Variants in GRM8 observed in about 807,000 individuals in gnomAD.
GRM8 encodes the protein glutamate metabotropic receptor 8, also known as metabotropic glutamate receptor 8.
In GRM8, 47 loss-of-function variants were observed where a neutral mutation model predicts 87.2. That is an observed-to-expected ratio of 0.54 (90% CI 0.43 to 0.69). GRM8 has a LOEUF of 0.69. Ranked by LOEUF, GRM8 falls within the 30% of genes least tolerant of loss-of-function variation. The probability of loss-of-function intolerance (pLI) is 0.00; values close to 1 mark genes in which losing one functional copy is unlikely to be tolerated. For missense variants in GRM8, 1,019 were observed against 1,139.2 expected (o/e 0.89, Z 1.52); for synonymous variants, 396 against 404.5 (o/e 0.98, Z 0.25).
At chr7:127,054,590 C>T (rs751376161) in intron 3 of GRM8, among the ~76,000 whole-genome samples, 4 of 152,036 alleles carry the variant, frequency 2.6e-5, no homozygotes, top group African/African-American at 7.2e-5. Context: ...TGGATGTTAG[C>T]GCAACTAGTA....
intron 7 of GRM8, among the ~76,000 whole-genome samples, chr7:126,688,247 CA>C (rs1307126077): frequency 3.3e-5 from 5 of 151,798 alleles, no homozygotes; most frequent in Admixed American, 6.6e-5. Context: ...GATGAGAATT[CA>C]AAAAAATGTC....
chr7:126,954,886 G>A (rs2131630521), intron 3 of GRM8, among the ~76,000 whole-genome samples: 1 of 152,280 alleles, frequency 6.6e-6, no homozygotes, highest in South Asian at 2.1e-4. Flanking sequence ...CGGAAAGACA[G>A]TATCTTTGCT....
intron 7 of GRM8, among the ~76,000 whole-genome samples, chr7:126,728,181 A>T (rs1813216920): frequency 6.6e-6 from 1 of 152,114 alleles, no homozygotes; most frequent in South Asian, 2.1e-4. Flanking sequence ...TGCTCTCTTC[A>T]CAGATCCAGT....
chr7:127,171,920 G>A (rs1296772103), intron 2 of GRM8, among the ~76,000 whole-genome samples: 1 of 152,062 alleles, frequency 6.6e-6, no homozygotes, highest in African/African-American at 2.4e-5. Flanking sequence ...GCAAGTTTGT[G>A]AAGGTTTGGG....
At chr7:127,192,848 GCA>G (rs1408882497) in intron 2 of GRM8, among the ~76,000 whole-genome samples, 4 of 152,180 alleles carry the variant, frequency 2.6e-5, no homozygotes, top group African/African-American at 9.7e-5. Context: ...CTTTCTGTAT[GCA>G]CACTCTGACC....
intron 7 of GRM8, among the ~76,000 whole-genome samples, chr7:126,716,641 C>T (rs1309730115): frequency 6.6e-6 from 1 of 152,188 alleles, no homozygotes; most frequent in Admixed American, 6.5e-5. Flanking sequence ...AACTTCTACT[C>T]TGTTGTGTAT....
chr7:126,557,142 C>G (rs982908818), intron 8 of GRM8, among the ~76,000 whole-genome samples: 1 of 152,168 alleles, frequency 6.6e-6, no homozygotes, highest in African/African-American at 2.4e-5. Context: ...TGTCTCCCAA[C>G]AGACACTGGC....
intron 1 of GRM8, among the ~76,000 whole-genome samples, chr7:127,251,913 C>A (rs1263537977): frequency 6.6e-6 from 1 of 152,224 alleles, no homozygotes; most frequent in East Asian, 1.9e-4. Flanking sequence ...GCCGTGCTAA[C>A]TCGGAGAACG....
intron 3 of GRM8, among the ~76,000 whole-genome samples, chr7:126,975,893 A>G (rs1249521683): frequency 1.3e-5 from 2 of 152,176 alleles, no homozygotes; most frequent in African/African-American, 4.8e-5. Context: ...ACTCCTGCCT[A>G]CCTCATGACC....
intron 7 of GRM8, among the ~76,000 whole-genome samples, chr7:126,672,108 G>A (rs1227407743): frequency 1.3e-5 from 2 of 152,168 alleles, no homozygotes; most frequent in Non-Finnish European, 2.9e-5. Flanking sequence ...ATGAATAAAG[G>A]CCATGTTAAT....
In GRM8 at chr7:126,523,497, A is replaced by AT. The variant is rs1562916908; in HGVS notation, c.2430+9454_2430+9455insA. ...TATTGTCCCTTTTCACAGACCTCTC[A>AT]ATTTTTTTTTTTTTTTTGAAACAGA... is the stretch of plus-strand genomic sequence containing the variant. On this transcript the variant is annotated intron_variant, in intron 9 of 10. Coordinates refer to ENST00000339582, the MANE Select transcript of GRM8 (RefSeq NM_000845.3). 2.0e-3 allele frequency among the ~76,000 whole-genome samples: 294 copies of AT among 149,428 alleles called. 1 individual carries two copies. Among genetic ancestry groups the AT allele is most frequent in the African/African-American group, 5.9e-3 (237 of 40,382 alleles).
At chr7:127,182,896 G>T (rs192870516) in intron 2 of GRM8, among the ~76,000 whole-genome samples, 2 of 151,718 alleles carry the variant, frequency 1.3e-5, no homozygotes, top group African/African-American at 2.4e-5. Context: ...GGACTTGGGG[G>T]GAAGAGTGGG....
At position 126,471,360 on chromosome 7, in the gene GRM8, T is replaced by C. The variant is rs1454140391; in HGVS notation, c.2431-24988A>G. Among the ~76,000 whole-genome samples the C allele has an allele frequency of 5.9e-5, 9 of 152,176 alleles. No homozygotes were observed. The East Asian group carries it at 1.7e-3, about 29-fold the overall frequency. ...AAGTCTTTAATCCATCTTGAATTAA[T>C]TTGTGTATAAGGTGTAAGGAAGGGA... is the stretch of plus-strand genomic sequence containing the variant. On this transcript the variant is annotated intron_variant, in intron 9 of 10. Transcript: ENST00000339582.
chr7:126,783,703 G>A (rs1243552300), intron 6 of GRM8, among the ~76,000 whole-genome samples: 2 of 152,136 alleles, frequency 1.3e-5, no homozygotes, highest in Non-Finnish European at 2.9e-5. Flanking sequence ...AGTTGGTATG[G>A]GGTGTCTGCT....
intron 7 of GRM8, among the ~76,000 whole-genome samples, chr7:126,656,454 G>A (rs141398302): frequency 1.4e-4 from 21 of 152,178 alleles, no homozygotes; most frequent in South Asian, 6.2e-4. Flanking sequence ...CAAGGCGGGC[G>A]GATCGCAAGG....
chr7:126,910,070 C>T (rs1563308043), intron 3 of GRM8, among the ~76,000 whole-genome samples: 1 of 151,834 alleles, frequency 6.6e-6, no homozygotes, highest in Non-Finnish European at 1.5e-5. Flanking sequence ...AAATACAGTC[C>T]TTCTGTTATC....
chr7:126,790,467 T>C (rs887974952), intron 6 of GRM8, among the ~76,000 whole-genome samples: 1 of 152,218 alleles, frequency 6.6e-6, no homozygotes, highest in Non-Finnish European at 1.5e-5. Flanking sequence ...AAAGATGCAA[T>C]AGATAATACA....
At chr7:126,965,193 G>A (rs1423611355) in intron 3 of GRM8, among the ~76,000 whole-genome samples, 3 of 152,026 alleles carry the variant, frequency 2.0e-5, no homozygotes, top group Admixed American at 2.0e-4. Flanking sequence ...ATAGCATTAG[G>A]AGAAATACCT....
chr7:126,946,525 G>T (rs1807556766), intron 3 of GRM8, among the ~76,000 whole-genome samples: 1 of 152,142 alleles, frequency 6.6e-6, no homozygotes. Context: ...GAAAAGGAAA[G>T]AAAAAGTCAA....
Sources: allele counts gnomAD v4.1 joint callset (sites outside exome capture counted in the v4.1 genomes callset), GRCh38; gene constraint gnomAD v4.1.1; transcripts MANE v1.5; gene names NCBI Gene and HGNC (gene_info 2026-07-23, HGNC 2026-07-21).